PDSS2: variants seen among roughly 807,000 people sequenced by gnomAD.
The protein encoded by PDSS2 is all trans-polyprenyl-diphosphate synthase PDSS2.
A neutral mutation model predicts 44.5 loss-of-function variants in PDSS2; 31 were observed. The ratio of observed to expected loss-of-function variants is 0.70; its 90% CI spans 0.52 to 0.94. The LOEUF (loss-of-function observed/expected upper bound fraction) is 0.94, where lower values mean the gene tolerates loss of function less well. Ranked by LOEUF, PDSS2 falls within the 40% of genes least tolerant of loss-of-function variation. PDSS2 has a pLI of 0.00. For missense variants in PDSS2, 452 were observed against 482.2 expected (o/e 0.94, Z 0.59); for synonymous variants, 157 against 180.3 (o/e 0.87, Z 1.03).
chr6:107,217,891 C>A (rs1773465950), intron 4 of PDSS2, among the ~76,000 whole-genome samples: 1 of 152,204 alleles, frequency 6.6e-6, no homozygotes, highest in African/African-American at 2.4e-5. Flanking sequence ...TCTCTACAAG[C>A]CTGGCTGCTC....
At chr6:107,316,092 A>G (rs1467573293) in intron 2 of PDSS2, among the ~76,000 whole-genome samples, 1 of 152,232 alleles carries the variant, frequency 6.6e-6, no homozygotes, top group East Asian at 1.9e-4. Context: ...TCAGGTCCAC[A>G]TATGGTCAAA....
At chr6:107,437,705 T>A (rs1038242325) in intron 1 of PDSS2, among the ~76,000 whole-genome samples, 1 of 151,984 alleles carries the variant, frequency 6.6e-6, no homozygotes, top group African/African-American at 2.4e-5. Flanking sequence ...GAGCTTCACA[T>A]TCCCCTATGC....
chr6:107,382,674 C>A (rs919447668), intron 1 of PDSS2, among the ~76,000 whole-genome samples: 1 of 151,882 alleles, frequency 6.6e-6, no homozygotes, highest in Non-Finnish European at 1.5e-5. Flanking sequence ...TCCCTCTCTA[C>A]AAAAAATAAA....
At position 107,389,853 on chromosome 6, in the gene PDSS2, G is replaced by A. The variant is rs185884334; in HGVS notation, c.297-55521C>T. On this transcript the variant is annotated intron_variant, in intron 1 of 7. Transcript: ENST00000369037. ...CAAACAAAAAAAACCATAGCTCCTTGGAGAAATGGCTACTTCTATGATTAG... is the reference window on the plus strand; with the variant it reads ...CAAACAAAAAAAACCATAGCTCCTTAGAGAAATGGCTACTTCTATGATTAG... 6.6e-5 allele frequency among the ~76,000 whole-genome samples: 10 copies of A among 152,108 alleles called. No homozygotes were observed. The East Asian group carries it at 1.9e-3, about 29-fold the overall frequency.
At chr6:107,400,624 A>G (rs930569740) in intron 1 of PDSS2, among the ~76,000 whole-genome samples, 7 of 152,172 alleles carry the variant, frequency 4.6e-5, no homozygotes, top group African/African-American at 1.7e-4. Flanking sequence ...CATGGGAGCA[A>G]TGCAGGTCCC....
At chr6:107,165,264 C>T (rs1771301568) in intron 7 of PDSS2, among the ~76,000 whole-genome samples, 1 of 152,124 alleles carries the variant, frequency 6.6e-6, no homozygotes, top group African/African-American at 2.4e-5. Context: ...AATGGCATTG[C>T]CTAGGTTTTC....
At chr6:107,260,365 T>G (rs1208016537) in intron 3 of PDSS2, among the ~76,000 whole-genome samples, 1 of 152,170 alleles carries the variant, frequency 6.6e-6, no homozygotes, top group Non-Finnish European at 1.5e-5. Flanking sequence ...ATTTACAACT[T>G]TAAGAATTTA....
At chr6:107,299,136 G>A (rs1776609128) in intron 2 of PDSS2, among the ~76,000 whole-genome samples, 1 of 78,210 alleles carries the variant, frequency 1.3e-5, no homozygotes, top group African/African-American at 4.8e-5. Context: ...GACAAAGTGA[G>A]ACCCTGTCTC....
intron 7 of PDSS2, among the ~76,000 whole-genome samples, chr6:107,159,900 C>T (rs1451009930): frequency 6.6e-6 from 1 of 152,068 alleles, no homozygotes; most frequent in Non-Finnish European, 1.5e-5. Context: ...AATAAGCCTT[C>T]TTTGCTTTGT....
chr6:107,341,653 T>C (rs778968304), intron 1 of PDSS2, among the ~76,000 whole-genome samples: 1 of 152,048 alleles, frequency 6.6e-6, no homozygotes, highest in Admixed American at 6.6e-5. Flanking sequence ...ATAAAAGGCC[T>C]CCACAGACAT....
intron 7 of PDSS2, among the ~76,000 whole-genome samples, chr6:107,173,497 C>T (rs2114398203): frequency 7.5e-6 from 1 of 134,156 alleles, no homozygotes; most frequent in African/African-American, 2.8e-5. Flanking sequence ...TTGCTTCAAC[C>T]TGGGAAGCAG....
chr6:107,381,875 A>AT (rs1202269295), intron 1 of PDSS2, among the ~76,000 whole-genome samples: 4 of 152,170 alleles, frequency 2.6e-5, no homozygotes, highest in Non-Finnish European at 5.9e-5. Flanking sequence ...GCTACAGGTG[A>AT]TTTTTTCAGA....
intron 1 of PDSS2, among the ~76,000 whole-genome samples, chr6:107,403,752 A>G (rs1384334595): frequency 2.6e-5 from 4 of 152,170 alleles, no homozygotes; most frequent in Non-Finnish European, 5.9e-5. Flanking sequence ...GCTGGGATGC[A>G]GGGCACCATT....
At chr6:107,266,416 G>A (rs1284525896) in intron 3 of PDSS2, among the ~76,000 whole-genome samples, 2 of 150,964 alleles carry the variant, frequency 1.3e-5, no homozygotes, top group Admixed American at 6.6e-5. Context: ...AATTGACCTG[G>A]TAGAGCCTTC....
intron 4 of PDSS2, among the ~76,000 whole-genome samples, chr6:107,213,502 T>C (rs1197171138): frequency 6.6e-6 from 1 of 152,170 alleles, no homozygotes; most frequent in East Asian, 2.0e-4. Context: ...GGCTCATGCC[T>C]GTAATCCCAG....
At chr6:107,334,172 A>G (rs1777799470) in intron 2 of PDSS2, 26 bp downstream of exon 2, 1 of 1,606,406 alleles carries the variant, frequency 6.2e-7, no homozygotes, top group Non-Finnish European at 8.5e-7. Flanking sequence ...GTAGAGAGCA[A>G]TGTCAAAAGA....
intron 7 of PDSS2, among the ~76,000 whole-genome samples, chr6:107,168,250 T>C (rs1771426825): frequency 6.6e-6 from 1 of 152,204 alleles, no homozygotes; most frequent in Non-Finnish European, 1.5e-5. Context: ...TTTGTCTCTT[T>C]TGATCTTTGT....
chr6:107,277,146 C>CT (rs1303838567), intron 2 of PDSS2, among the ~76,000 whole-genome samples: 2 of 152,104 alleles, frequency 1.3e-5, no homozygotes, highest in Admixed American at 6.5e-5. Context: ...TCTATCTTTC[C>CT]TTTTTTTCTG....
intron 2 of PDSS2, among the ~76,000 whole-genome samples, chr6:107,317,448 A>G (rs1450184619): frequency 6.6e-6 from 1 of 152,170 alleles, no homozygotes; most frequent in Non-Finnish European, 1.5e-5. Context: ...TACAGACTTT[A>G]ATGTAGCTCC....
Sources: allele counts gnomAD v4.1 joint callset (sites outside exome capture counted in the v4.1 genomes callset), GRCh38; gene constraint gnomAD v4.1.1; transcripts MANE v1.5; gene names NCBI Gene and HGNC (gene_info 2026-07-23, HGNC 2026-07-21).